Variants in CD1E observed in about 807,000 individuals in gnomAD.
The protein encoded by CD1E is T-cell surface glycoprotein CD1e, membrane-associated.
CD1E carries 49 observed loss-of-function variants against 40.1 expected under a neutral mutation model. The ratio of observed to expected loss-of-function variants is 1.22; its 90% CI spans 0.97 to 1.55. CD1E has a LOEUF of 1.55. CD1E is among the 40% of genes most tolerant of loss of function. The pLI is 0.00. For synonymous variants in CD1E, 189 were observed against 178.3 expected, an observed-to-expected ratio of 1.06 and a Z score of -0.48; for missense variants, 492 against 471.3, an observed-to-expected ratio of 1.04 and a Z score of -0.41.
intron 1 of CD1E, 51 bp from the exon 2 acceptor site, chr1:158,354,318 TGGCATCAC>T: frequency 6.7e-7 from 1 of 1,495,306 alleles, no homozygotes. Flanking sequence ...TTTTTCCCTT[TGGCATCAC>T]TTTTCCCATC....
At chr1:158,355,763 T>C in intron 3 of CD1E, 64 bp from the exon 4 acceptor site, 3 of 1,515,592 alleles carry the variant, frequency 2.0e-6, no homozygotes, top group Non-Finnish European at 2.7e-6. Context: ...GGCACCTGAG[T>C]CTCTGAGCTC....
chr1:158,354,499 G>C lies in CD1E; in HGVS notation c.181G>C (p.Asp61His). ...CAGTGAGGGCTCAGGATGGCTGGGT[G>C]ACCTGCAGACTCATGGCTGGGACAC... ...AHSEGSGWLG[D>H]LQTHGWDTVL... The change falls in exon 2 of 6, where the codon GAC becomes CAC. Residue 61 changes from aspartate (D) to histidine (H), a missense_variant. By Grantham distance (81) the Asp-to-His change is moderately conservative. Transcript: ENST00000368167. 1 of 1,614,134 alleles carries C rather than the reference G, an allele frequency of 6.2e-7. No individual in the cohort carries two copies. The highest frequency in any genetic ancestry group is 8.5e-7 in the Non-Finnish European group (1 of 1,180,028).
In CD1E at chr1:158,356,043, C is replaced by G. The variant is rs906550777; in HGVS notation, c.842C>G (p.Ala281Gly). 6.2e-7 allele frequency: 1 copy of G among 1,614,030 alleles called. No individual in the cohort carries two copies. Among genetic ancestry groups the G allele is most frequent in the Admixed American group, 1.7e-5 (1 of 60,020 alleles). Reference protein sequence around the residue: ...ATLDVAAGEAAGLSCRVKHSS... With the variant: ...ATLDVAAGEAGGLSCRVKHSS... The stretch of plus-strand genomic sequence containing the variant: ...CTGGATGTGGCGGCTGGGGAGGCAG[C>G]TGGCCTGTCCTGTCGGGTGAAACAC... Residue 281 changes from alanine (A) to glycine (G), a missense_variant, in exon 4 of 6, where the codon GCT becomes GGT. Ala to Gly is a moderately conservative substitution (Grantham distance 60). Coordinates refer to ENST00000368167, the MANE Select transcript of CD1E (RefSeq NM_030893.4).
chr1:158,356,660 T>C lies in CD1E; in HGVS notation c.999-68T>C, dbSNP rs992241917. ...TCATTCCTTTTTCCTCTATCTTCTT[T>C]TTTTTTTTCTCTGCCTTTCCCCTTT... On this transcript the variant is annotated intron_variant, in intron 5 of 5. Coordinates refer to ENST00000368167, the MANE Select transcript of CD1E (RefSeq NM_030893.4). The C allele has an allele frequency of 2.6e-6, 4 of 1,567,180 alleles. No individual in the cohort carries two copies. The African/African-American group carries it at 4.5e-5, about 18-fold the overall frequency.
chr1:158,355,627 A>C, intron 3 of CD1E, 58 bp downstream of exon 3: 1 of 1,547,214 alleles, frequency 6.5e-7, no homozygotes, highest in South Asian at 1.2e-5. Flanking sequence ...TCATATTTGA[A>C]TTTGCCTCTC....
rs374212509 is a variant in CD1E at position 158,356,556 on chromosome 1, A to G, written c.963A>G (p.Ile321Met). 5.0e-6 allele frequency: 8 copies of G among 1,613,620 alleles called. No homozygotes were observed. The African/African-American group carries it at 9.3e-5, about 19-fold the overall frequency. The change falls in exon 5 of 6, where the codon ATA becomes ATG. Residue 321 changes from isoleucine to methionine, a missense_variant. Ile to Met is a conservative substitution (Grantham distance 10). Transcript: ENST00000368167. ...TGACTGTGATAGTTACCCTGGTCATATTGGTTGTAGTTGACTCACGGTTAA... is the reference window on the plus strand; with the variant it reads ...TGACTGTGATAGTTACCCTGGTCATGTTGGTTGTAGTTGACTCACGGTTAA... ...ICLTVIVTLVILVVVDSRLKK... is the reference protein window; with the variant it reads ...ICLTVIVTLVMLVVVDSRLKK...
chr1:158,357,388 C>A lies in CD1E; in HGVS notation c.*492C>A, dbSNP rs139325584. ...ATCGTATGCTCTGCAAGAACCCATG[C>A]TAGATTTAATGCTCTGCTGTTGTCA... On this transcript the variant is annotated 3_prime_UTR_variant, in exon 6 of 6. Transcript: ENST00000368167. 6.5e-6 allele frequency: 1 copy of A among 152,682 alleles called. No homozygotes were observed. The highest frequency in any genetic ancestry group is 1.9e-4 in the East Asian group (1 of 5,176). 9.5% of individuals were successfully genotyped at this position (152,682 alleles called of 1,614,324 possible).
intron 5 of CD1E, 21 bp from the exon 6 acceptor site, chr1:158,356,707 T>G: frequency 6.2e-7 from 1 of 1,609,708 alleles, no homozygotes; most frequent in South Asian, 1.1e-5. Flanking sequence ...TTGAGATTAA[T>G]ATCCTCCTCT....
Position 158,354,568 on chromosome 1 carries a change from A to T in CD1E, c.250A>T (p.Asn84Tyr). ...CTTTCTGAAGCCCTGGTCCCATGGAAACTTCAGCAAGCAGGAGCTGAAAAA... is the reference window on the plus strand; with the variant it reads ...CTTTCTGAAGCCCTGGTCCCATGGATACTTCAGCAAGCAGGAGCTGAAAAA... ...IRFLKPWSHGNFSKQELKNLQ... is the reference protein window; with the variant it reads ...IRFLKPWSHGYFSKQELKNLQ... The change falls in exon 2 of 6, where the codon AAC becomes TAC. Residue 84 changes from asparagine to tyrosine, a missense_variant. Coordinates refer to ENST00000368167, the MANE Select transcript of CD1E (RefSeq NM_030893.4). 6.2e-7 allele frequency: 1 copy of T among 1,614,134 alleles called. No individual in the cohort carries two copies. The highest frequency in any genetic ancestry group is 8.5e-7 in the Non-Finnish European group (1 of 1,180,010).
At chr1:158,356,304 G>A in intron 4 of CD1E, 194 bp from the exon 5 acceptor site, 1 of 780,524 alleles carries the variant, frequency 1.3e-6, no homozygotes. Flanking sequence ...AACAGAAAAA[G>A]GAGGAGGAAC....
In CD1E at chr1:158,355,586, C is replaced by T; in HGVS notation, c.625+17C>T. On this transcript the variant is annotated intron_variant, in intron 3 of 5. Transcript: ENST00000368167. ...AACGGAAAGGTGAGCCCAACTCTCT[C>T]TCTCCCCTCTTGTTCCTAGTACTAT... 1 of 1,610,802 alleles carries T rather than the reference C, an allele frequency of 6.2e-7. No homozygotes were observed. Among genetic ancestry groups the T allele is most frequent in the Non-Finnish European group, 8.5e-7 (1 of 1,178,162 alleles).
At position 158,356,517 on chromosome 1, in the gene CD1E, C is replaced by T. The variant is rs781706295; in HGVS notation, c.924C>T (p.Leu308=). Residue 308 remains leucine (L), a synonymous_variant, in exon 5 of 6, where the codon CTC becomes CTT. Transcript: ENST00000368167. ...AACCAGGTGGATATTCCATCTTTCT[C>T]ATCCTGATCTGTTTGACTGTGATAG... is the stretch of plus-strand genomic sequence containing the variant. ...IIHWGGYSIF[L]ILICLTVIVT... is the part of the protein sequence containing the mutation. The T allele has an allele frequency of 9.3e-6, 15 of 1,612,948 alleles. No homozygotes were observed. In the African/African-American group the frequency reaches 1.7e-4, roughly 19 times the overall value.
Sources: allele counts gnomAD v4.1 joint callset, GRCh38; gene constraint gnomAD v4.1.1; transcripts MANE v1.5; gene names NCBI Gene and HGNC (gene_info 2026-07-23, HGNC 2026-07-21).